The following CORO7 variants were observed in gnomAD, a reference collection of about 807,000 sequenced individuals.
The protein encoded by CORO7 is coronin 7.
Under a neutral mutation model 126.6 loss-of-function variants are expected in CORO7, and 107 were observed. That is an observed-to-expected ratio of 0.85 (90% confidence interval 0.72 to 0.99). CORO7 has a LOEUF of 0.99. CORO7 is among the 50% of genes least tolerant of loss of function. The probability of loss-of-function intolerance (pLI) is 0.00; values close to 1 mark genes in which losing one functional copy is unlikely to be tolerated. For missense variants in CORO7, 1,314 were observed against 1,255.8 expected (o/e 1.05, Z -0.70); for synonymous variants, 603 against 536.8 (o/e 1.12, Z -1.70).
Position 4,365,053 on chromosome 16 carries a change from C to G in CORO7, c.848G>C (p.Arg283Thr). Reference protein sequence around the residue: ...GLLVLAGKGERQLYCYEVVPQ... With the variant: ...GLLVLAGKGETQLYCYEVVPQ... ...GACCACCTCGTAACAGTACAGCTGC[C>G]TCTCGCCCTGAAATGAGTCTGAACT... Residue 283 changes from arginine (R) to threonine (T), a missense_variant, in exon 11 of 28, where the codon AGG becomes ACG. Arg to Thr is a moderately conservative substitution (Grantham distance 71). Transcript: ENST00000251166. 1 of 1,600,722 alleles carries G rather than the reference C, an allele frequency of 6.2e-7. No individual in the cohort carries two copies. The highest frequency in any genetic ancestry group is 8.5e-7 in the Non-Finnish European group (1 of 1,173,748).
chr16:4,409,613 A>C (rs1343886477), intron 3 of CORO7, among the ~76,000 whole-genome samples: 1 of 152,208 alleles, frequency 6.6e-6, no homozygotes, highest in Non-Finnish European at 1.5e-5. Context: ...AACTGCCCCA[A>C]GTCACGCGGC....
At chr16:4,377,500 A>G (rs1224475818) in intron 9 of CORO7, among the ~76,000 whole-genome samples, 1 of 152,154 alleles carries the variant, frequency 6.6e-6, no homozygotes, top group Admixed American at 6.5e-5. Context: ...AACAAACAGA[A>G]CAACAGAAAA....
chr16:4,360,215 C>G, intron 21 of CORO7, 63 bp downstream of exon 21: 1 of 1,605,026 alleles, frequency 6.2e-7, no homozygotes. Context: ...ATGTATGTGA[C>G]TGTGGAGAAG....
At chr16:4,396,999 G>C (rs182426186) in intron 6 of CORO7, among the ~76,000 whole-genome samples, 63 of 136,408 alleles carry the variant, frequency 4.6e-4, no homozygotes, top group Non-Finnish European at 8.7e-4. Flanking sequence ...CTGGGCAACA[G>C]AGTGAGACTC....
Position 4,360,452 on chromosome 16 carries a change from G to T in CORO7, c.2014C>A (p.Pro672Thr). ...AGCCCCTGTGTGCTCACCTGCAGGG[G>T]CTCAGGGCCACTCCGGGGCCTGTAG... ...RVYRPRSGPEPLQEGPGPKGG... is the reference protein window; with the variant it reads ...RVYRPRSGPETLQEGPGPKGG... Residue 672 changes from proline to threonine, a missense_variant, in exon 20 of 28, where the codon CCC becomes ACC. Pro to Thr is a conservative substitution (Grantham distance 38). Transcript: ENST00000251166. The T allele has an allele frequency of 6.2e-7, 1 of 1,612,638 alleles. No homozygotes were observed. Among genetic ancestry groups the T allele is most frequent in the Non-Finnish European group, 8.5e-7 (1 of 1,179,750 alleles).
chr16:4,372,237 G>T lies in CORO7; in HGVS notation c.786-6692C>A, dbSNP rs1020179153. Reference sequence around the variant, plus strand: ...GCGCGCCTGAGTGTGCGGTGAGCCCGCGAGGCTGCAAGCAGACAAAATAAA... The same window carrying T: ...GCGCGCCTGAGTGTGCGGTGAGCCCTCGAGGCTGCAAGCAGACAAAATAAA... On this transcript the variant is annotated intron_variant, in intron 9 of 27. Transcript: ENST00000251166. Among the ~76,000 whole-genome samples, 19 of 152,282 alleles carry T rather than the reference G, an allele frequency of 1.2e-4. No individual in the cohort carries two copies. The East Asian group carries it at 1.9e-3, about 16-fold the overall frequency.
chr16:4,361,230 A>G lies in CORO7; in HGVS notation c.1706T>C (p.Ile569Thr), dbSNP rs1284698259. 1.4e-5 allele frequency: 22 copies of G among 1,612,572 alleles called. No individual in the cohort carries two copies. The highest frequency in any genetic ancestry group is 1.9e-5 in the Non-Finnish European group (22 of 1,179,988). ...RLAVAGEDAR[I>T]RLWRVPAEGL... is the part of the protein sequence containing the mutation. ...CTCTGCGGGTACCCGCCACAGTCGGATCCTGGCGTCCTCACCAGCTGCAGA... is the reference window on the plus strand; with the variant it reads ...CTCTGCGGGTACCCGCCACAGTCGGGTCCTGGCGTCCTCACCAGCTGCAGA... Residue 569 changes from isoleucine (I) to threonine (T), a missense_variant, in exon 18 of 28, where the codon ATC becomes ACC. Ile to Thr is a moderately conservative substitution (Grantham distance 89). Transcript: ENST00000251166.
At chr16:4,395,468 C>A in intron 6 of CORO7, 129 bp from the exon 7 acceptor site, 1 of 1,167,986 alleles carries the variant, frequency 8.6e-7, no homozygotes, top group Non-Finnish European at 1.2e-6. Context: ...GCTGCCATCA[C>A]ACACCAGGGC....
At position 4,416,514 on chromosome 16, in the gene CORO7, T is replaced by C. The variant is rs751521443; in HGVS notation, c.5A>G (p.Asn2Ser). 1.3e-6 allele frequency: 2 copies of C among 1,576,500 alleles called. No individual in the cohort carries two copies. Among genetic ancestry groups the C allele is most frequent in the Non-Finnish European group, 1.7e-6 (2 of 1,164,564 alleles). The change falls in exon 1 of 28, where the codon AAC becomes AGC. Residue 2 changes from asparagine to serine, a missense_variant. Coordinates refer to ENST00000251166, the MANE Select transcript of CORO7 (RefSeq NM_024535.5). MNRFRVSKFRHT... is the reference protein window; with the variant it reads MSRFRVSKFRHT... The stretch of plus-strand genomic sequence containing the variant: ...CCGGAACTTGGACACCCTGAAGCGG[T>C]TCATGGCGACGGGCACGGCGGCGGA...
chr16:4,402,542 G>A (rs2141303780), intron 6 of CORO7, among the ~76,000 whole-genome samples: 1 of 152,286 alleles, frequency 6.6e-6, no homozygotes, highest in Non-Finnish European at 1.5e-5. Context: ...CCAGCGACCG[G>A]CCACCCGCCC....
intron 23 of CORO7, chr16:4,359,023 T>G (rs1305334502): frequency 5.9e-6 from 3 of 508,878 alleles, no homozygotes; most frequent in Non-Finnish European, 1.0e-5. Context: ...GCAATTCTCC[T>G]GCCTCAGCCT....
intron 1 of CORO7, 74 bp from the exon 2 acceptor site, chr16:4,413,478 G>A: frequency 1.4e-6 from 2 of 1,411,624 alleles, no homozygotes; most frequent in Non-Finnish European, 1.9e-6. Flanking sequence ...AGCAAGAGGT[G>A]GGGCATAATC....
chr16:4,416,488 G>T lies in CORO7; in HGVS notation c.31C>A (p.His11Asn). Residue 11 changes from histidine to asparagine, a missense_variant, in exon 1 of 28, where the codon CAC becomes AAC. His to Asn is a moderately conservative substitution (Grantham distance 68). Coordinates refer to ENST00000251166, the MANE Select transcript of CORO7 (RefSeq NM_024535.5). ...CGGCGGGGCGGCCGAGCCTCGGTGT[G>T]CCGGAACTTGGACACCCTGAAGCGG... MNRFRVSKFR[H>N]TEARPPRRES... The T allele has an allele frequency of 6.3e-7, 1 of 1,579,596 alleles. No homozygotes were observed. Among genetic ancestry groups the T allele is most frequent in the South Asian group, 1.1e-5 (1 of 87,552 alleles).
intron 6 of CORO7, among the ~76,000 whole-genome samples, chr16:4,405,228 C>G (rs1233892435): frequency 6.6e-6 from 1 of 152,220 alleles, no homozygotes; most frequent in Non-Finnish European, 1.5e-5. Flanking sequence ...CCAGAGGAGG[C>G]TGCCTGAGGG....
At chr16:4,412,592 G>A in intron 2 of CORO7, 162 bp from the exon 3 acceptor site, 3 of 692,630 alleles carry the variant, frequency 4.3e-6, no homozygotes. Context: ...TGGCCTGTGG[G>A]TAGGTTCTGG....
At chr16:4,380,953 T>C in intron 9 of CORO7, 2 of 1,600,414 alleles carry the variant, frequency 1.2e-6, no homozygotes, top group Non-Finnish European at 1.7e-6. Context: ...GGGCTGCCCA[T>C]CCGGCTGCCA....
Position 4,362,196 on chromosome 16 carries a change from G to T in CORO7, c.1403-36C>A. 6.3e-7 allele frequency: 1 copy of T among 1,588,216 alleles called. No individual in the cohort carries two copies. ...GCAGGGACATGGAACCACGTGTGAG[G>T]ATGCCGTCCCCGCCCGCCCTGCACT... On this transcript the variant is annotated intron_variant, in intron 15 of 27. Transcript: ENST00000251166. This position sits in a 1 kb window ranked among gnomAD's most constrained non-coding sequence, Gnocchi z 5.3.
chr16:4,393,237 G>A (rs1009920800), intron 7 of CORO7, among the ~76,000 whole-genome samples: 7 of 152,212 alleles, frequency 4.6e-5, no homozygotes, highest in South Asian at 2.1e-4. Context: ...GAAGGGGGCC[G>A]GGGGAAGCCT....
chr16:4,405,023 G>A (rs777740629), intron 6 of CORO7, among the ~76,000 whole-genome samples: 5 of 152,034 alleles, frequency 3.3e-5, no homozygotes, highest in Non-Finnish European at 7.4e-5. Flanking sequence ...GAGGCCACGC[G>A]TCCCTGGCCT....
Sources: gnomAD v4.1 joint callset for allele counts (sites outside exome capture counted in the v4.1 genomes callset) on GRCh38, gnomAD v4.1.1 for gene constraint, Gnocchi (gnomAD v3.1) non-coding constraint, MANE v1.5 for transcripts, NCBI Gene and HGNC (gene_info 2026-07-23, HGNC 2026-07-21) for gene names.